The following PCLO variants were observed in gnomAD, a reference collection of about 807,000 sequenced individuals.
The protein encoded by PCLO is piccolo presynaptic cytomatrix protein.
A neutral mutation model predicts 427.5 loss-of-function variants in PCLO; 82 were observed. That is an observed-to-expected ratio of 0.19 (90% confidence interval 0.16 to 0.23). The LOEUF is 0.23. Among genes scored for constraint, PCLO ranks in the 10% least tolerant of loss-of-function variants. The pLI, the probability that PCLO is intolerant of heterozygous loss-of-function variation, is 1.00. For synonymous variants in PCLO, 2,357 were observed against 2,155.4 expected, an observed-to-expected ratio of 1.09 and a Z score of -2.59; for missense variants, 6,239 against 6,115.9, an observed-to-expected ratio of 1.02 and a Z score of -0.67.
At chr7:83,073,387 G>A (rs568866734) in intron 3 of PCLO, among the ~76,000 whole-genome samples, 1 of 152,060 alleles carries the variant, frequency 6.6e-6, no homozygotes, top group South Asian at 2.1e-4. Flanking sequence ...CAAATACTGT[G>A]CTAGATGTTA....
chr7:83,038,243 C>T, intron 3 of PCLO, among the ~76,000 whole-genome samples: 1 of 148,868 alleles, frequency 6.7e-6, no homozygotes. Context: ...TAAATTCACA[C>T]ATTTAAAATG....
chr7:83,143,381 T>C (rs539911098), intron 2 of PCLO, among the ~76,000 whole-genome samples: 6 of 152,280 alleles, frequency 3.9e-5, no homozygotes, highest in Admixed American at 1.3e-4. Context: ...AGAACTGTGA[T>C]GGCATACTCA....
intron 4 of PCLO, among the ~76,000 whole-genome samples, chr7:82,963,132 T>C (rs1226003995): frequency 6.6e-6 from 1 of 152,014 alleles, no homozygotes; most frequent in African/African-American, 2.4e-5. Context: ...CCTGTTTCTT[T>C]GAGAAAATTA....
chr7:82,785,082 T>C lies in PCLO; in HGVS notation c.15007+16436A>G, dbSNP rs535982989. On this transcript the variant is annotated intron_variant, in intron 22 of 24. Transcript: ENST00000333891. ...TTATATTTCATTTTTTCCTTTAGCA[T>C]CACAAAACAATTATTCTTTATTATT... Among the ~76,000 whole-genome samples the C allele has an allele frequency of 2.6e-5, 4 of 152,338 alleles. No homozygotes were observed. The East Asian group carries it at 7.7e-4, about 29-fold the overall frequency.
intron 14 of PCLO, among the ~76,000 whole-genome samples, chr7:82,840,467 C>T (rs2115774249): frequency 6.6e-6 from 1 of 152,184 alleles, no homozygotes; most frequent in Admixed American, 6.6e-5. Context: ...AATAGTCTCT[C>T]TCTTACTCCA....
chr7:82,980,079 AT>A lies in PCLO; in HGVS notation c.3301-13593del, dbSNP rs142797381. ...TGAGACTAACCCTAGAACATAGTCC[AT>A]TCTGTTTGCCTCAGTCACCTGAAGA... is the stretch of plus-strand genomic sequence containing the variant. On this transcript the variant is annotated intron_variant, in intron 3 of 24. Coordinates refer to ENST00000333891, the MANE Select transcript of PCLO (RefSeq NM_033026.6). Among the ~76,000 whole-genome samples the A allele has an allele frequency of 6.3e-3, 963 of 152,172 alleles. 13 individuals carry two copies. The highest frequency in any genetic ancestry group is 0.022 in the African/African-American group (902 of 41,522).
chr7:83,140,014 C>T (rs1330437569), intron 2 of PCLO, among the ~76,000 whole-genome samples: 2 of 152,162 alleles, frequency 1.3e-5, no homozygotes, highest in African/African-American at 4.8e-5. Flanking sequence ...ATCTTTCCTA[C>T]ACATTGACCA....
rs190216209 is a variant in PCLO at position 82,769,168 on chromosome 7, A to G, written c.15008-7675T>C. Among the ~76,000 whole-genome samples the G allele has an allele frequency of 8.0e-4, 122 of 152,302 alleles. 1 individual carries two copies. Among genetic ancestry groups the G allele is most frequent in the Middle Eastern group, 6.8e-3 (2 of 294 alleles). On this transcript the variant is annotated intron_variant, in intron 22 of 24. Transcript: ENST00000333891. The stretch of plus-strand genomic sequence containing the variant: ...CTTTAAAACATTTTTGTAACACAGT[A>G]TCAGAATAAAAGAGTTTACAGAGGC...
chr7:83,107,776 G>A (rs1790897712), intron 3 of PCLO, among the ~76,000 whole-genome samples: 1 of 151,110 alleles, frequency 6.6e-6, no homozygotes, highest in Admixed American at 6.6e-5. Context: ...AGATCACGAG[G>A]TGAAGAGATC....
At chr7:83,058,409 G>A (rs1349409453) in intron 3 of PCLO, among the ~76,000 whole-genome samples, 1 of 152,068 alleles carries the variant, frequency 6.6e-6, no homozygotes, top group African/African-American at 2.4e-5. Flanking sequence ...CATCCTTTTA[G>A]AAGACAAAAA....
At chr7:83,158,434 A>G (rs1792352320) in intron 1 of PCLO, among the ~76,000 whole-genome samples, 1 of 151,982 alleles carries the variant, frequency 6.6e-6, no homozygotes, top group South Asian at 2.1e-4. Context: ...GATTACAGGT[A>G]TGGCAATCCT....
intron 3 of PCLO, among the ~76,000 whole-genome samples, chr7:83,115,306 G>A (rs1359473144): frequency 6.6e-6 from 1 of 151,928 alleles, no homozygotes; most frequent in Non-Finnish European, 1.5e-5. Context: ...GAGAGTAACG[G>A]CAATATGTTG....
intron 3 of PCLO, among the ~76,000 whole-genome samples, chr7:83,080,874 A>G (rs1290897078): frequency 6.6e-6 from 1 of 151,972 alleles, no homozygotes; most frequent in Non-Finnish European, 1.5e-5. Flanking sequence ...ATACCTATGA[A>G]AAAGTTTAAT....
At chr7:83,009,424 AT>A (rs1788025116) in intron 3 of PCLO, among the ~76,000 whole-genome samples, 1 of 151,850 alleles carries the variant, frequency 6.6e-6, no homozygotes, top group Non-Finnish European at 1.5e-5. Context: ...TGTGCCAAAG[AT>A]TTCCAATTTC....
At chr7:82,792,748 T>G (rs1791131996) in intron 22 of PCLO, among the ~76,000 whole-genome samples, 2 of 152,208 alleles carry the variant, frequency 1.3e-5, no homozygotes, top group Admixed American at 1.3e-4. Flanking sequence ...CCAATTATTT[T>G]TTTTAAATCT....
intron 22 of PCLO, among the ~76,000 whole-genome samples, chr7:82,771,136 C>T (rs1790639098): frequency 6.6e-6 from 1 of 151,810 alleles, no homozygotes. Flanking sequence ...ATTGTAAGAT[C>T]TCCTAAGTTC....
intron 3 of PCLO, among the ~76,000 whole-genome samples, chr7:83,097,587 G>A (rs1790624894): frequency 6.8e-6 from 1 of 147,096 alleles, no homozygotes; most frequent in Non-Finnish European, 1.5e-5. Flanking sequence ...TTTGTATTAG[G>A]TTAAAGGGCT....
intron 3 of PCLO, among the ~76,000 whole-genome samples, chr7:83,098,555 T>C (rs940950923): frequency 2.0e-5 from 3 of 152,146 alleles, no homozygotes; most frequent in African/African-American, 4.8e-5. Context: ...TTTTGGATGG[T>C]ATATATAAAG....
chr7:83,097,455 G>T (rs1437658841), intron 3 of PCLO, among the ~76,000 whole-genome samples: 1 of 146,464 alleles, frequency 6.8e-6, no homozygotes, highest in African/African-American at 2.5e-5. Context: ...CCGGGAGGCG[G>T]AGCTTGCAGT....
Sources: gnomAD v4.1 joint callset for allele counts (sites outside exome capture counted in the v4.1 genomes callset) on GRCh38, gnomAD v4.1.1 for gene constraint, MANE v1.5 for transcripts, NCBI Gene and HGNC (gene_info 2026-07-23, HGNC 2026-07-21) for gene names.